DIAPH1: variants seen among roughly 807,000 people sequenced by gnomAD.
DIAPH1 encodes the protein protein diaphanous homolog 1.
DIAPH1 carries 46 observed loss-of-function variants against 140.7 expected under a neutral mutation model. That is an observed-to-expected ratio of 0.33 (90% CI 0.26 to 0.42). The LOEUF (loss-of-function observed/expected upper bound fraction) is 0.42. DIAPH1 is among the 10% of genes least tolerant of loss of function. The pLI, the probability that DIAPH1 is intolerant of heterozygous loss-of-function variation, is 1.00. For synonymous variants in DIAPH1, 565 were observed against 551.6 expected, an observed-to-expected ratio of 1.02 and a Z score of -0.34; for missense variants, 1,310 against 1,558.7, an observed-to-expected ratio of 0.84 and a Z score of 2.69.
intron 18 of DIAPH1, chr5:141,536,084 G>A: frequency 2.2e-6 from 1 of 450,520 alleles, no homozygotes; most frequent in Non-Finnish European, 4.7e-6. Flanking sequence ...CAGATCACTT[G>A]AGCTCAGGAG....
At chr5:141,569,715 C>T (rs751236277) in intron 18 of DIAPH1, among the ~76,000 whole-genome samples, 38 of 152,002 alleles carry the variant, frequency 2.5e-4, no homozygotes, top group South Asian at 1.2e-3. Flanking sequence ...TGAGCACGAT[C>T]GCGCCAGTGC....
chr5:141,574,125 A>G lies in DIAPH1; in HGVS notation c.1725T>C (p.Ser575=), dbSNP rs1222051776. 4 of 1,614,114 alleles carry G rather than the reference A, an allele frequency of 2.5e-6. No homozygotes were observed. Among genetic ancestry groups the G allele is most frequent in the Non-Finnish European group, 3.4e-6 (4 of 1,180,000 alleles). The part of the protein sequence containing the change: ...LSAAAITVPP[S]VPSRAPVPPA... ...GGGGAACAGGAGCACGACTAGGAAC[A>G]GAAGGAGGTACAGTAATAGCTGCCG... is the stretch of plus-strand genomic sequence containing the variant. The change falls in exon 16 of 28, where the codon TCT becomes TCC. Residue 575 remains serine, a synonymous_variant. Coordinates refer to ENST00000389054, the MANE Select transcript of DIAPH1 (RefSeq NM_005219.5).
chr5:141,520,648 G>C (rs989332960), intron 27 of DIAPH1, among the ~76,000 whole-genome samples: 2 of 152,142 alleles, frequency 1.3e-5, no homozygotes, highest in Admixed American at 1.3e-4. Flanking sequence ...CCAGTCTCCA[G>C]TATTTCTTTA....
intron 16 of DIAPH1, 105 bp from the exon 17 acceptor site, chr5:141,572,145 A>G (rs2099895278): frequency 2.6e-6 from 2 of 780,900 alleles, no homozygotes; most frequent in African/African-American, 3.4e-5. Context: ...GATTATCAGC[A>G]ATGTCTTACT....
intron 18 of DIAPH1, among the ~76,000 whole-genome samples, chr5:141,554,050 G>A (rs536359820): frequency 1.4e-4 from 22 of 152,166 alleles, no homozygotes; most frequent in East Asian, 7.7e-4. Flanking sequence ...AGGCTGAGGC[G>A]GGCAGATCAC....
Position 141,574,984 on chromosome 5 carries a change from A to T in DIAPH1, c.1624T>A (p.Ser542Thr). 6.2e-7 allele frequency: 1 copy of T among 1,614,058 alleles called. No individual in the cohort carries two copies. Among genetic ancestry groups the T allele is most frequent in the South Asian group, 1.1e-5 (1 of 91,070 alleles). Residue 542 changes from serine to threonine, a missense_variant, in exon 15 of 28, where the codon TCC (serine) becomes ACC (threonine). Transcript: ENST00000389054. ...TEKQDLEAEV[S>T]QLTGEVAKLT... ...GGCATTACCTCTCCTGTGAGCTGGG[A>T]CACCTCTGCTTCCAGGTCCTGTTTC... is the stretch of plus-strand genomic sequence containing the variant.
At chr5:141,552,193 G>GTT (rs199775030) in intron 18 of DIAPH1, among the ~76,000 whole-genome samples, 5 of 143,434 alleles carry the variant, frequency 3.5e-5, no homozygotes, top group Admixed American at 7.0e-5. Context: ...TGTTTTTGTT[G>GTT]TTTTTTTTTT....
chr5:141,599,747 G>T (rs986280938), intron 1 of DIAPH1, among the ~76,000 whole-genome samples: 2 of 152,184 alleles, frequency 1.3e-5, no homozygotes, highest in Non-Finnish European at 2.9e-5. Flanking sequence ...TAATGTGATA[G>T]GTGGAAGTCT....
chr5:141,591,148 C>A (rs190728708), intron 1 of DIAPH1, among the ~76,000 whole-genome samples: 2 of 152,100 alleles, frequency 1.3e-5, no homozygotes, highest in South Asian at 2.1e-4. Context: ...ACAGATGACG[C>A]TGCCTCAATG....
Position 141,578,209 on chromosome 5 carries a change from G to C in DIAPH1, c.1163+16C>G, listed in dbSNP as rs745679755. 5.1e-6 allele frequency: 8 copies of C among 1,580,524 alleles called. No homozygotes were observed. In the East Asian group the frequency reaches 1.1e-4, roughly 22 times the overall value. On this transcript the variant is annotated intron_variant, in intron 11 of 27. Transcript: ENST00000389054. Reference sequence around the variant, plus strand: ...GAATGTCTCATCTGCCTTGAACCTAGTCAGCAAAAGGATATTCCATCTCCA... The same window carrying C: ...GAATGTCTCATCTGCCTTGAACCTACTCAGCAAAAGGATATTCCATCTCCA...
chr5:141,528,894 G>C lies in DIAPH1; in HGVS notation c.2826C>G (p.Phe942Leu). The part of the protein sequence containing the change: ...RLRPRLNAIL[F>L]KLQFSEQVEN... ...CCACTTGCTCGCTGAATTGTAGCTT[G>C]AAGAGAATGGCATTGAGGCGAGGCC... The change falls in exon 22 of 28, where the codon TTC (phenylalanine) becomes TTG (leucine). Residue 942 changes from phenylalanine (F) to leucine (L), a missense_variant. Phe to Leu is a conservative substitution (Grantham distance 22). Coordinates refer to ENST00000389054, the MANE Select transcript of DIAPH1 (RefSeq NM_005219.5). 1 of 1,614,158 alleles carries C rather than the reference G, an allele frequency of 6.2e-7. No individual in the cohort carries two copies. Among genetic ancestry groups the C allele is most frequent in the South Asian group, 1.1e-5 (1 of 91,076 alleles).
chr5:141,582,162 T>C, intron 7 of DIAPH1, 150 bp downstream of exon 7: 1 of 670,766 alleles, frequency 1.5e-6, no homozygotes, highest in South Asian at 1.7e-5. Context: ...CAGAAGCATG[T>C]ATATGTGGCA....
chr5:141,527,837 G>C, intron 23 of DIAPH1, 140 bp from the exon 24 acceptor site: 1 of 1,080,240 alleles, frequency 9.3e-7, no homozygotes, highest in Non-Finnish European at 1.3e-6. Flanking sequence ...AATAATTTTA[G>C]TTCCTTATGT....
At chr5:141,606,461 C>T (rs1334811984) in intron 1 of DIAPH1, among the ~76,000 whole-genome samples, 3 of 152,166 alleles carry the variant, frequency 2.0e-5, no homozygotes, top group African/African-American at 7.2e-5. Flanking sequence ...ATGGCACAAT[C>T]TCGACTCACA....
chr5:141,618,459 G>T (rs1007920759), intron 1 of DIAPH1: 3 of 222,026 alleles, frequency 1.4e-5, no homozygotes, highest in East Asian at 1.1e-4. Flanking sequence ...AAGAGGAGGC[G>T]TGTTCGGGTA....
chr5:141,573,672 G>A lies in DIAPH1; in HGVS notation c.2178C>T (p.Ile726=), dbSNP rs1336061221. Residue 726 remains isoleucine, a synonymous_variant, in exon 16 of 28, where the codon ATC becomes ATT. Transcript: ENST00000389054. ...CTCCGGGAAATGGAGGAGGTGGAGG[G>A]ATTCCAGGACCACCAGGAAGAGGGG... ...PPPPLPGGPG[I]PPPPPFPGGP... is the part of the protein sequence containing the mutation. The A allele has an allele frequency of 1.2e-6, 2 of 1,609,300 alleles. No homozygotes were observed. Among genetic ancestry groups the A allele is most frequent in the African/African-American group, 1.3e-5 (1 of 74,540 alleles).
intron 18 of DIAPH1, among the ~76,000 whole-genome samples, chr5:141,537,749 C>T (rs1304462822): frequency 1.3e-5 from 2 of 152,140 alleles, no homozygotes; most frequent in Non-Finnish European, 2.9e-5. Context: ...ACACTTCACT[C>T]AACCTGGTAA....
intron 11 of DIAPH1, chr5:141,577,873 C>T (rs569540493): frequency 2.0e-6 from 1 of 497,824 alleles, no homozygotes; most frequent in South Asian, 2.1e-5. Flanking sequence ...CTCAAAGTCA[C>T]TTACTGAAAA....
At position 141,587,144 on chromosome 5, in the gene DIAPH1, A is replaced by T. The variant is rs369911278; in HGVS notation, c.198T>A (p.Ser66=). ...RIKKEKEKPN[S]AHRNSSASYG... is the part of the protein sequence containing the mutation. ...ATGATGCAGAAGAATTTCTATGAGC[A>T]GAATTGGGCTTTTCCTTCTCCTTCT... Residue 66 remains serine (S), a synonymous_variant, in exon 3 of 28, where the codon TCT becomes TCA. Coordinates refer to ENST00000389054, the MANE Select transcript of DIAPH1 (RefSeq NM_005219.5). 6.2e-7 allele frequency: 1 copy of T among 1,614,194 alleles called. No individual in the cohort carries two copies. Among genetic ancestry groups the T allele is most frequent in the Non-Finnish European group, 8.5e-7 (1 of 1,180,020 alleles).
Sources: allele counts gnomAD v4.1 joint callset (sites outside exome capture counted in the v4.1 genomes callset), GRCh38; gene constraint gnomAD v4.1.1; transcripts MANE v1.5; gene names NCBI Gene and HGNC (gene_info 2026-07-23, HGNC 2026-07-21).